The following WSCD2 variants were observed in gnomAD, a reference collection of about 807,000 sequenced individuals.
WSCD2 encodes the protein WSC domain sialate O sulfotransferase 2, also known as sialate:O-sulfotransferase 2.
WSCD2 carries 28 observed loss-of-function variants against 55.7 expected under a neutral mutation model. The observed-to-expected ratio is 0.50, with a 90% confidence interval of 0.37 to 0.69. The LOEUF (loss-of-function observed/expected upper bound fraction) is 0.69. WSCD2 is among the 30% of genes least tolerant of loss of function. WSCD2 has a pLI of 0.00. For missense variants in WSCD2, 616 were observed against 762.1 expected, an observed-to-expected ratio of 0.81 and a Z score of 2.26; for synonymous variants, 301 against 301.9, an observed-to-expected ratio of 1.00 and a Z score of 0.03.
chr12:108,189,062 A>G (rs187231638), intron 1 of WSCD2, among the ~76,000 whole-genome samples: 14 of 152,344 alleles, frequency 9.2e-5, no homozygotes, highest in Admixed American at 7.2e-4. Context: ...AAAAGAGGGA[A>G]GACTGGAAAT....
In WSCD2 at chr12:108,142,045, A is replaced by G. The variant is rs193112981; in HGVS notation, c.-552+12119A>G. Among the ~76,000 whole-genome samples the G allele has an allele frequency of 1.9e-3, 290 of 152,306 alleles. 2 individuals are homozygous for G. The highest frequency in any genetic ancestry group is 6.7e-3 in the African/African-American group (277 of 41,580). On this transcript the variant is annotated intron_variant, in intron 1 of 8. Transcript: ENST00000547525. ...CTTTGGAGAAAAGAGTCAACAAATT[A>G]GTTTCTTAATCTGCTTTAAGTTGCT...
At chr12:108,225,921 T>C (rs1888033511) in intron 5 of WSCD2, among the ~76,000 whole-genome samples, 1 of 152,090 alleles carries the variant, frequency 6.6e-6, no homozygotes, top group Non-Finnish European at 1.5e-5. Flanking sequence ...TAGAGAGTAG[T>C]TGAGGGTAGA....
intron 5 of WSCD2, 23 bp downstream of exon 5, chr12:108,224,883 G>A (rs1887908042): frequency 1.2e-6 from 2 of 1,608,718 alleles, no homozygotes; most frequent in Non-Finnish European, 1.7e-6. Context: ...TGGGGCCCAT[G>A]GAACTCAGGG....
chr12:108,148,787 T>C (rs77908097), intron 1 of WSCD2, among the ~76,000 whole-genome samples: 3,637 of 152,284 alleles, frequency 0.024, 168 homozygotes, highest in African/African-American at 0.084. Flanking sequence ...GGGCTAAACA[T>C]TGTGTATGGA....
At chr12:108,177,714 G>A (rs1274459249) in intron 1 of WSCD2, among the ~76,000 whole-genome samples, 1 of 152,116 alleles carries the variant, frequency 6.6e-6, no homozygotes, top group African/African-American at 2.4e-5. Context: ...CTTGAGCTCA[G>A]GAGTTCAAGA....
At position 108,232,910 on chromosome 12, in the gene WSCD2, G is replaced by A. The variant is rs749251123; in HGVS notation, c.1144+15G>A. On this transcript the variant is annotated intron_variant, in intron 7 of 8. Coordinates refer to ENST00000547525, the MANE Select transcript of WSCD2 (RefSeq NM_014653.4). Reference sequence around the variant, plus strand: ...CTACAACAAAGGTGAGGAGATGGCAGGGAGGGCAGGGCAAGAGGTTCCCTG... The same window carrying A: ...CTACAACAAAGGTGAGGAGATGGCAAGGAGGGCAGGGCAAGAGGTTCCCTG... The A allele has an allele frequency of 4.4e-6, 7 of 1,606,360 alleles. No individual in the cohort carries two copies. The East Asian group carries it at 1.6e-4, about 36-fold the overall frequency.
intron 1 of WSCD2, among the ~76,000 whole-genome samples, chr12:108,149,480 T>A (rs922463853): frequency 2.0e-5 from 3 of 152,148 alleles, no homozygotes; most frequent in Admixed American, 2.0e-4. Context: ...TGCACCAACA[T>A]CGGCCCCCAC....
At chr12:108,199,861 T>G (rs1884436849) in intron 2 of WSCD2, among the ~76,000 whole-genome samples, 1 of 152,200 alleles carries the variant, frequency 6.6e-6, no homozygotes, top group South Asian at 2.1e-4. Context: ...CCTTAAGCAC[T>G]ACATCACGTC....
Position 108,196,134 on chromosome 12 carries a change from G to A in WSCD2, c.302G>A (p.Arg101Lys), listed in dbSNP as rs199742201. The A allele has an allele frequency of 1.3e-5, 21 of 1,614,180 alleles. No homozygotes were observed. In the Admixed American group the frequency reaches 2.7e-4, roughly 20 times the overall value. Residue 101 changes from arginine to lysine, a missense_variant, in exon 2 of 9, where the codon AGA becomes AAA. Transcript: ENST00000547525. Reference sequence around the variant, plus strand: ...TTCAAGGGCAAGGATGGGAATGAGAGAGCCAAGCTTGGCGACTACGGTGGA... The same window carrying A: ...TTCAAGGGCAAGGATGGGAATGAGAAAGCCAAGCTTGGCGACTACGGTGGA... ...PWFKGKDGNE[R>K]AKLGDYGGAW...
chr12:108,217,822 A>T (rs2137132540), intron 4 of WSCD2, among the ~76,000 whole-genome samples: 1 of 152,232 alleles, frequency 6.6e-6, no homozygotes, highest in Admixed American at 6.5e-5. Flanking sequence ...TCCTCTAAAA[A>T]TTTCACCTTA....
intron 4 of WSCD2, 104 bp from the exon 5 acceptor site, chr12:108,224,635 G>A (rs921392163): frequency 2.7e-6 from 4 of 1,468,764 alleles, no homozygotes; most frequent in Non-Finnish European, 3.6e-6. Context: ...CTGTGACCTT[G>A]GGCAAGACTC....
At chr12:108,133,657 G>T (rs1354265836) in intron 1 of WSCD2, among the ~76,000 whole-genome samples, 1 of 152,168 alleles carries the variant, frequency 6.6e-6, no homozygotes, top group Admixed American at 6.6e-5. Flanking sequence ...AGCAGTTGGT[G>T]CCAGCTCTGA....
chr12:108,247,702 T>C (rs1029612602), intron 8 of WSCD2, among the ~76,000 whole-genome samples: 7 of 152,142 alleles, frequency 4.6e-5, no homozygotes, highest in Non-Finnish European at 8.8e-5. Context: ...ACTGCAAGCA[T>C]GCACCTCCAT....
intron 4 of WSCD2, among the ~76,000 whole-genome samples, chr12:108,219,520 T>G (rs1277207003): frequency 2.0e-5 from 3 of 152,058 alleles, no homozygotes; most frequent in Non-Finnish European, 4.4e-5. Context: ...CCAAACAATC[T>G]CAGTGCAGCC....
intron 2 of WSCD2, among the ~76,000 whole-genome samples, chr12:108,202,587 C>A (rs953223820): frequency 2.6e-5 from 4 of 152,102 alleles, no homozygotes; most frequent in African/African-American, 9.7e-5. Flanking sequence ...TTATTCTTAG[C>A]AAACTAATGC....
At chr12:108,163,924 T>TA (rs1183474713) in intron 1 of WSCD2, among the ~76,000 whole-genome samples, 7 of 151,792 alleles carry the variant, frequency 4.6e-5, no homozygotes, top group African/African-American at 7.2e-5. Context: ...TAAGCATGGA[T>TA]AAAAAAAATT....
rs1210793937 is a variant in WSCD2 at position 108,210,687 on chromosome 12, T to C, written c.682+382T>C. ...GGCAATAGCAAACACTTTGTCCTTTTCTCCATGCCTCATATAGAATAGCAC... is the reference window on the plus strand; with the variant it reads ...GGCAATAGCAAACACTTTGTCCTTTCCTCCATGCCTCATATAGAATAGCAC... On this transcript the variant is annotated intron_variant, in intron 4 of 8. Coordinates refer to ENST00000547525, the MANE Select transcript of WSCD2 (RefSeq NM_014653.4). The surrounding 1 kb of genome is among the most constrained non-coding windows in gnomAD (Gnocchi z 4.3). Among the ~76,000 whole-genome samples the C allele has an allele frequency of 1.3e-5, 2 of 152,202 alleles. No individual in the cohort carries two copies. Among genetic ancestry groups the C allele is most frequent in the Non-Finnish European group, 2.9e-5 (2 of 68,032 alleles).
In WSCD2 at chr12:108,198,656, T is replaced by C. The variant is rs116406079; in HGVS notation, c.382+2442T>C. On this transcript the variant is annotated intron_variant, in intron 2 of 8. Transcript: ENST00000547525. ...TTGTCTATTTGCTTTTCATGTATTA[T>C]TTGAATGAAATGATATATGTAACAT... Among the ~76,000 whole-genome samples the C allele has an allele frequency of 6.7e-3, 1,021 of 152,368 alleles. 22 individuals carry two copies. Among genetic ancestry groups the C allele is most frequent in the African/African-American group, 0.024 (982 of 41,588 alleles).
chr12:108,190,565 C>T (rs2137030223), intron 1 of WSCD2, among the ~76,000 whole-genome samples: 1 of 152,238 alleles, frequency 6.6e-6, no homozygotes, highest in South Asian at 2.1e-4. Context: ...GGTAAGGAAC[C>T]ACAGGGCAGG....
Sources: gnomAD v4.1 joint callset for allele counts (sites outside exome capture counted in the v4.1 genomes callset) on GRCh38, gnomAD v4.1.1 for gene constraint, Gnocchi (gnomAD v3.1) non-coding constraint, MANE v1.5 for transcripts, NCBI Gene and HGNC (gene_info 2026-07-23, HGNC 2026-07-21) for gene names.